The following SORCS3 variants were observed in gnomAD, a reference collection of about 807,000 sequenced individuals.
SORCS3 encodes VPS10 domain-containing receptor SorCS3.
Under a neutral mutation model 146.3 loss-of-function variants are expected in SORCS3, and 57 were observed. The ratio of observed to expected loss-of-function variants is 0.39; its 90% CI spans 0.31 to 0.49. The LOEUF (loss-of-function observed/expected upper bound fraction) is 0.49, where lower values mean the gene tolerates loss of function less well. Among genes scored for constraint, SORCS3 ranks in the 20% least tolerant of loss-of-function variants. SORCS3 has a pLI of 0.92. For missense variants in SORCS3, 1,341 were observed against 1,575.5 expected (o/e 0.85, Z 2.52); for synonymous variants, 653 against 618.5 (o/e 1.06, Z -0.83).
At position 104,729,776 on chromosome 10, in the gene SORCS3, G is replaced by A. The variant is rs143391557; in HGVS notation, c.627+87822G>A. Among the ~76,000 whole-genome samples the A allele has an allele frequency of 3.2e-4, 49 of 152,284 alleles. 1 individual carries two copies. In the East Asian group the frequency reaches 8.3e-3, roughly 26 times the overall value. On this transcript the variant is annotated intron_variant, in intron 1 of 26. Coordinates refer to ENST00000369701, the MANE Select transcript of SORCS3 (RefSeq NM_014978.3). ...CCTGCCCTGGCACTGCTTCTACCAC[G>A]CCTGTCAGGAGGTGACTCGTTTTGG...
intron 7 of SORCS3, among the ~76,000 whole-genome samples, chr10:105,131,842 G>A (rs1053596747): frequency 6.6e-6 from 1 of 151,988 alleles, no homozygotes; most frequent in Non-Finnish European, 1.5e-5. Context: ...ACTCACTATC[G>A]CACGGACAGT....
At chr10:105,073,003 A>G (rs965634903) in intron 5 of SORCS3, among the ~76,000 whole-genome samples, 2 of 152,172 alleles carry the variant, frequency 1.3e-5, no homozygotes, top group African/African-American at 4.8e-5. Flanking sequence ...TCTGAGGCCC[A>G]GAGAGGTTGG....
rs923930143 is a variant in SORCS3 at position 105,262,267 on chromosome 10, T to C, written c.3444-64T>C. 3 of 1,505,080 alleles carry C rather than the reference T, an allele frequency of 2.0e-6. No homozygotes were observed. In the African/African-American group the frequency reaches 4.1e-5, roughly 21 times the overall value. The allele number at this position is 1,505,080 out of a possible 1,614,324, so 93.2% of individuals were successfully genotyped here. Reference sequence around the variant, plus strand: ...TCTTCCTCCCCTTATCCCCCAGGATTTCCAGCTGCCCAAGTTTGGCACACC... The same window carrying C: ...TCTTCCTCCCCTTATCCCCCAGGATCTCCAGCTGCCCAAGTTTGGCACACC... On this transcript the variant is annotated intron_variant, in intron 25 of 26. Transcript: ENST00000369701.
In SORCS3 at chr10:105,130,052, C is replaced by T. The variant is rs17118529; in HGVS notation, c.1213-9345C>T. 2.7e-3 allele frequency among the ~76,000 whole-genome samples: 416 copies of T among 152,262 alleles called. 13 individuals are homozygous for T. The East Asian group carries it at 0.051, about 19-fold the overall frequency. On this transcript the variant is annotated intron_variant, in intron 7 of 26. Transcript: ENST00000369701. ...ATTTTTGCCTCCAGTTCTGCTGGCT[C>T]AGATAATATGCATTGAGTACGTGCT...
At chr10:104,998,421 T>C (rs2055039862) in intron 4 of SORCS3, among the ~76,000 whole-genome samples, 1 of 152,148 alleles carries the variant, frequency 6.6e-6, no homozygotes. Context: ...GATCTCTGCT[T>C]GTCATAAACC....
chr10:105,001,860 G>A (rs2055063992), intron 4 of SORCS3, among the ~76,000 whole-genome samples: 1 of 152,004 alleles, frequency 6.6e-6, no homozygotes, highest in South Asian at 2.1e-4. Flanking sequence ...TCCCATTTCA[G>A]AGAAGAGGAA....
At chr10:105,078,931 A>C (rs1418063423) in intron 5 of SORCS3, among the ~76,000 whole-genome samples, 1 of 150,880 alleles carries the variant, frequency 6.6e-6, no homozygotes, top group South Asian at 2.1e-4. Flanking sequence ...GAAAAGGAGC[A>C]CCTGTTACAG....
intron 6 of SORCS3, among the ~76,000 whole-genome samples, chr10:105,100,289 C>G (rs791107): frequency 6.6e-6 from 1 of 152,190 alleles, no homozygotes; most frequent in Middle Eastern, 3.4e-3. Flanking sequence ...ATATATTAAG[C>G]ATGAAGATTA....
intron 1 of SORCS3, among the ~76,000 whole-genome samples, chr10:104,684,791 T>G (rs1317192540): frequency 1.0e-3 from 5 of 4,968 alleles, no homozygotes; most frequent in Admixed American, 2.9e-3. Context: ...TTTTTTTTTT[T>G]TTTTTTTTTT....
At chr10:105,212,008 C>G (rs1014849364) in intron 17 of SORCS3, among the ~76,000 whole-genome samples, 3 of 152,154 alleles carry the variant, frequency 2.0e-5, no homozygotes, top group Admixed American at 2.0e-4. Context: ...TTGCTGGTCT[C>G]TGGACCAGAG....
chr10:104,946,114 A>G (rs969362656), intron 3 of SORCS3, among the ~76,000 whole-genome samples: 3 of 152,056 alleles, frequency 2.0e-5, no homozygotes, highest in African/African-American at 4.8e-5. Context: ...GAGATAATCA[A>G]TGAAAGTGCT....
At chr10:104,907,101 T>C (rs1350852911) in intron 2 of SORCS3, among the ~76,000 whole-genome samples, 3 of 151,560 alleles carry the variant, frequency 2.0e-5, no homozygotes, top group African/African-American at 7.3e-5. Flanking sequence ...GGTATCTGTC[T>C]TACTCTTGAA....
At chr10:105,023,103 T>C (rs1238983650) in intron 4 of SORCS3, among the ~76,000 whole-genome samples, 2 of 152,188 alleles carry the variant, frequency 1.3e-5, no homozygotes, top group African/African-American at 2.4e-5. Flanking sequence ...AATGTGGCTA[T>C]ATGCCACTAG....
intron 2 of SORCS3, among the ~76,000 whole-genome samples, chr10:104,864,615 A>G (rs2018440997): frequency 6.6e-6 from 1 of 152,136 alleles, no homozygotes; most frequent in African/African-American, 2.4e-5. Flanking sequence ...GTGCTGGTCC[A>G]GTTGGGTGCT....
intron 2 of SORCS3, among the ~76,000 whole-genome samples, chr10:104,882,026 T>C (rs7906067): frequency 0.37 from 55,809 of 152,146 alleles, 13,295 homozygotes; most frequent in African/African-American, 0.68. Context: ...CTAGAGGTGA[T>C]GAGCTGCTCA....
chr10:104,997,570 G>A (rs755339484), intron 4 of SORCS3, among the ~76,000 whole-genome samples: 30 of 152,226 alleles, frequency 2.0e-4, no homozygotes, highest in Middle Eastern at 3.4e-3. Flanking sequence ...GAAGAAGAAG[G>A]TACATCAGGG....
intron 14 of SORCS3, among the ~76,000 whole-genome samples, chr10:105,186,884 C>CAA (rs35043705): frequency 0.091 from 9,196 of 101,342 alleles, 458 homozygotes; most frequent in Admixed American, 0.17. Context: ...GACTCCATCT[C>CAA]AAAAAAAAAA....
intron 1 of SORCS3, among the ~76,000 whole-genome samples, chr10:104,672,413 T>G (rs2133258359): frequency 6.6e-6 from 1 of 152,306 alleles, no homozygotes; most frequent in Admixed American, 6.5e-5. Context: ...TCTTTTCAAA[T>G]AACCAACTTT....
In SORCS3 at chr10:105,174,013, A is replaced by G. The variant is rs558320861; in HGVS notation, c.1902-4053A>G. Among the ~76,000 whole-genome samples the G allele has an allele frequency of 5.3e-5, 8 of 152,220 alleles. No homozygotes were observed. In the South Asian group the frequency reaches 1.2e-3, roughly 24 times the overall value. On this transcript the variant is annotated intron_variant, in intron 13 of 26. Transcript: ENST00000369701. ...ATTTATTTCTAACTCATAGTTTTGC[A>G]TTTATTTATTTCCAAATTGTTCATC...
Sources: allele counts gnomAD v4.1 joint callset (sites outside exome capture counted in the v4.1 genomes callset), GRCh38; gene constraint gnomAD v4.1.1; transcripts MANE v1.5; gene names NCBI Gene and HGNC (gene_info 2026-07-23, HGNC 2026-07-21).